Variants in CDKAL1 observed in about 807,000 individuals in gnomAD.
CDKAL1 encodes threonylcarbamoyladenosine tRNA methylthiotransferase.
A neutral mutation model predicts 68.2 loss-of-function variants in CDKAL1; 32 were observed. The observed-to-expected ratio is 0.47, with a 90% CI of 0.35 to 0.63. The LOEUF (loss-of-function observed/expected upper bound fraction) is 0.63, where lower values mean the gene tolerates loss of function less well. Among genes scored for constraint, CDKAL1 ranks in the 30% least tolerant of loss-of-function variants. CDKAL1 has a pLI of 0.00. For missense variants in CDKAL1, 606 were observed against 696.7 expected (o/e 0.87, Z 1.47); for synonymous variants, 234 against 244.3 (o/e 0.96, Z 0.39).
intron 15 of CDKAL1, among the ~76,000 whole-genome samples, chr6:21,218,910 AC>A (rs1454932140): frequency 6.6e-6 from 1 of 152,230 alleles, no homozygotes; most frequent in African/African-American, 2.4e-5. Flanking sequence ...AGGGCTGCCT[AC>A]CATACTTTTA....
intron 5 of CDKAL1, among the ~76,000 whole-genome samples, chr6:20,650,274 T>G (rs1768695056): frequency 1.3e-5 from 2 of 152,254 alleles, no homozygotes; most frequent in South Asian, 4.1e-4. Context: ...CGTGAAATGG[T>G]ACCTCATTGT....
rs187751490 is a variant in CDKAL1 at position 20,980,826 on chromosome 6, A to G, written c.910-19401A>G. ...ATCCAGGTTTAAGAAAAACTACAAAAGAAGTTGAAGACCTGGAAATGGACC... is the reference window on the plus strand; with the variant it reads ...ATCCAGGTTTAAGAAAAACTACAAAGGAAGTTGAAGACCTGGAAATGGACC... On this transcript the variant is annotated intron_variant, in intron 10 of 15. Coordinates refer to ENST00000274695, the MANE Select transcript of CDKAL1 (RefSeq NM_017774.3). Among the ~76,000 whole-genome samples, 474 of 152,294 alleles carry G rather than the reference A, an allele frequency of 3.1e-3. 4 individuals are homozygous for G. Among genetic ancestry groups the G allele is most frequent in the African/African-American group, 0.011 (442 of 41,554 alleles).
At chr6:21,063,235 A>C (rs912099496) in intron 11 of CDKAL1, among the ~76,000 whole-genome samples, 1 of 152,206 alleles carries the variant, frequency 6.6e-6, no homozygotes, top group Non-Finnish European at 1.5e-5. Context: ...AAATGATAGG[A>C]AAGTTGATAT....
rs1767473656 is a variant in CDKAL1 at position 20,627,250 on chromosome 6, A to G, written c.287-22043A>G. The stretch of plus-strand genomic sequence containing the variant: ...ACTAAGAAGACAAATATATACTTCC[A>G]GCACATCAAAAACTACTAGATAAAG... On this transcript the variant is annotated intron_variant, in intron 4 of 15. Coordinates refer to ENST00000274695, the MANE Select transcript of CDKAL1 (RefSeq NM_017774.3). Among the ~76,000 whole-genome samples, 3 of 152,156 alleles carry G rather than the reference A, an allele frequency of 2.0e-5. No individual in the cohort carries two copies. In the South Asian group the frequency reaches 6.2e-4, roughly 32 times the overall value.
At chr6:20,907,451 T>C (rs1581805209) in intron 9 of CDKAL1, among the ~76,000 whole-genome samples, 1 of 151,996 alleles carries the variant, frequency 6.6e-6, no homozygotes, top group African/African-American at 2.4e-5. Context: ...GATGATACAT[T>C]TTATGTTATA....
At chr6:21,229,075 G>A (rs1208055498) in intron 15 of CDKAL1, among the ~76,000 whole-genome samples, 1 of 152,128 alleles carries the variant, frequency 6.6e-6, no homozygotes, top group Non-Finnish European at 1.5e-5. Context: ...CCTGAGGAGT[G>A]CAGCAGTAAA....
chr6:21,200,385 G>A (rs375710180), intron 14 of CDKAL1, among the ~76,000 whole-genome samples: 3 of 152,104 alleles, frequency 2.0e-5, no homozygotes, highest in African/African-American at 7.2e-5. Flanking sequence ...GGAAATGAAC[G>A]GCAGCTGTTA....
intron 13 of CDKAL1, among the ~76,000 whole-genome samples, chr6:21,132,286 C>T (rs560803898): frequency 6.6e-6 from 1 of 152,022 alleles, no homozygotes; most frequent in East Asian, 1.9e-4. Context: ...ATGGTGTACA[C>T]GCGCAGTAGA....
intron 9 of CDKAL1, among the ~76,000 whole-genome samples, chr6:20,918,212 A>G (rs6938415): frequency 0.11 from 16,277 of 152,270 alleles, 978 homozygotes; most frequent in African/African-American, 0.14. Context: ...TGCTCACCAG[A>G]CACCAAATCT....
chr6:21,120,210 C>G (rs933327510), intron 13 of CDKAL1, among the ~76,000 whole-genome samples: 1 of 152,188 alleles, frequency 6.6e-6, no homozygotes, highest in Non-Finnish European at 1.5e-5. Context: ...GGGCAGGGGC[C>G]CCGTCTCCCC....
chr6:20,833,497 G>A (rs559761993), intron 8 of CDKAL1, among the ~76,000 whole-genome samples: 15 of 151,752 alleles, frequency 9.9e-5, no homozygotes, highest in South Asian at 2.1e-4. Flanking sequence ...ATATCTGGGT[G>A]GTATATACTC....
At chr6:21,186,456 G>GT (rs1209363610) in intron 13 of CDKAL1, among the ~76,000 whole-genome samples, 1 of 152,150 alleles carries the variant, frequency 6.6e-6, no homozygotes, top group African/African-American at 2.4e-5. Flanking sequence ...AAATGCCACT[G>GT]TTTTTTATAT....
intron 5 of CDKAL1, among the ~76,000 whole-genome samples, chr6:20,727,512 G>T (rs1581457772): frequency 6.6e-6 from 1 of 152,270 alleles, no homozygotes; most frequent in East Asian, 1.9e-4. Context: ...TAAGTTGTGG[G>T]AAAGGGACTA....
intron 9 of CDKAL1, among the ~76,000 whole-genome samples, chr6:20,869,229 CT>C (rs1283963558): frequency 3.3e-5 from 5 of 152,144 alleles, no homozygotes; most frequent in South Asian, 2.1e-4. Context: ...AATTGATTTT[CT>C]TTTTAAGTAA....
At chr6:20,775,055 T>A (rs1242099920) in intron 7 of CDKAL1, among the ~76,000 whole-genome samples, 1 of 152,182 alleles carries the variant, frequency 6.6e-6, no homozygotes, top group Admixed American at 6.5e-5. Context: ...AGATAAAAGA[T>A]CTCAGAAATA....
chr6:21,117,383 A>G (rs1052333223), intron 13 of CDKAL1, among the ~76,000 whole-genome samples: 2 of 151,670 alleles, frequency 1.3e-5, no homozygotes, highest in African/African-American at 2.4e-5. Context: ...CTCGCCTGTA[A>G]TCCCAGCATT....
intron 5 of CDKAL1, among the ~76,000 whole-genome samples, chr6:20,712,970 G>A (rs770593513): frequency 6.7e-6 from 1 of 149,222 alleles, no homozygotes; most frequent in Non-Finnish European, 1.5e-5. Flanking sequence ...GTATATTACA[G>A]TATGAAACAC....
intron 9 of CDKAL1, among the ~76,000 whole-genome samples, chr6:20,866,876 C>T (rs913359183): frequency 2.0e-5 from 3 of 152,170 alleles, no homozygotes; most frequent in African/African-American, 2.4e-5. Flanking sequence ...TTACTATTGC[C>T]TAAACATGCT....
chr6:21,154,635 CT>C (rs752885904), intron 13 of CDKAL1, among the ~76,000 whole-genome samples: 1 of 152,090 alleles, frequency 6.6e-6, no homozygotes, highest in African/African-American at 2.4e-5. Context: ...ATGTAAATTG[CT>C]TTCTAAAAGT....
Sources: gnomAD v4.1 joint callset for allele counts (sites outside exome capture counted in the v4.1 genomes callset) on GRCh38, gnomAD v4.1.1 for gene constraint, MANE v1.5 for transcripts, NCBI Gene and HGNC (gene_info 2026-07-23, HGNC 2026-07-21) for gene names.